GNG2: variants seen among roughly 807,000 people sequenced by gnomAD.
The protein encoded by GNG2 is G protein subunit gamma 2, also known as guanine nucleotide-binding protein G(I)/G(S)/G(O) subunit gamma-2.
In GNG2, 5 loss-of-function variants were observed where a neutral mutation model predicts 5.5. The observed-to-expected ratio is 0.91, with a 90% CI of 0.48 to 1.92. The LOEUF is 1.92. Ranked by LOEUF, GNG2 falls within the 30% of genes most tolerant of loss-of-function variation. GNG2 has a pLI of 0.01. For synonymous variants in GNG2, 28 were observed against 32.0 expected (o/e 0.88, Z 0.42); for missense variants, 55 against 88.4 (o/e 0.62, Z 1.52).
chr14:51,908,553 TCTATCTATCC>T (rs1212532658), intron 2 of GNG2, among the ~76,000 whole-genome samples: 32 of 149,350 alleles, frequency 2.1e-4, no homozygotes, highest in African/African-American at 5.3e-4. Context: ...TATCTATCTA[TCTATCTATCC>T]ATATATATAG....
chr14:51,836,375 T>A (rs367998795), intron 2 of GNG2, among the ~76,000 whole-genome samples: 4 of 152,138 alleles, frequency 2.6e-5, no homozygotes, highest in African/African-American at 7.2e-5. Context: ...GTGGTCTCTG[T>A]TCTATAAAAG....
At chr14:51,883,884 C>A (rs1884265687) in intron 2 of GNG2, among the ~76,000 whole-genome samples, 1 of 151,452 alleles carries the variant, frequency 6.6e-6, no homozygotes, top group Non-Finnish European at 1.5e-5. Context: ...TTTTTTGTGA[C>A]AATTATGATT....
intron 2 of GNG2, among the ~76,000 whole-genome samples, chr14:51,945,133 C>CAAACA (rs539974917): frequency 7.4e-4 from 111 of 150,336 alleles, no homozygotes; most frequent in Middle Eastern, 3.5e-3. Flanking sequence ...AACAAACAAA[C>CAAACA]AAAAAAAACG....
At chr14:51,938,899 C>A (rs1237165770) in intron 2 of GNG2, among the ~76,000 whole-genome samples, 1 of 152,194 alleles carries the variant, frequency 6.6e-6, no homozygotes, top group African/African-American at 2.4e-5. Context: ...AGGATGGAAG[C>A]AGTGTGAGTG....
intron 3 of GNG2, among the ~76,000 whole-genome samples, chr14:51,960,880 T>G (rs1390276790): frequency 6.6e-6 from 1 of 152,182 alleles, no homozygotes; most frequent in Non-Finnish European, 1.5e-5. Flanking sequence ...CTTCCTGATA[T>G]TCTTTGCATA....
chr14:51,920,902 T>C (rs926707373), intron 2 of GNG2, among the ~76,000 whole-genome samples: 9 of 152,052 alleles, frequency 5.9e-5, no homozygotes, highest in African/African-American at 2.2e-4. Context: ...GTTCTTTGGG[T>C]GGGGTGAAGG....
intron 2 of GNG2, among the ~76,000 whole-genome samples, chr14:51,908,429 T>C (rs1029357637): frequency 6.6e-6 from 1 of 152,202 alleles, no homozygotes; most frequent in Non-Finnish European, 1.5e-5. Flanking sequence ...GCCTAGTTTT[T>C]CTAGAAACCA....
intron 2 of GNG2, 96 bp from the exon 3 acceptor site, chr14:51,950,554 C>T (rs1427666848): frequency 4.1e-6 from 3 of 731,548 alleles, no homozygotes; most frequent in South Asian, 3.6e-5. Flanking sequence ...GGCCTGGCTA[C>T]AGCCACTGCT....
chr14:51,850,371 A>G (rs1035622100), intron 2 of GNG2, among the ~76,000 whole-genome samples: 3 of 151,584 alleles, frequency 2.0e-5, no homozygotes, highest in African/African-American at 7.3e-5. Flanking sequence ...AAAAAAATAA[A>G]CCCCTCCCTC....
chr14:51,867,405 C>A (rs1056199526), intron 1 of GNG2, among the ~76,000 whole-genome samples: 2 of 152,172 alleles, frequency 1.3e-5, no homozygotes, highest in African/African-American at 4.8e-5. Flanking sequence ...ACCTTTCCCA[C>A]TCCTCAAAAC....
chr14:51,853,603 G>C (rs140735945), intron 2 of GNG2, among the ~76,000 whole-genome samples: 108 of 152,132 alleles, frequency 7.1e-4, no homozygotes, highest in African/African-American at 2.5e-3. Flanking sequence ...AGATCACACT[G>C]TCTGGTCTAC....
intron 2 of GNG2, among the ~76,000 whole-genome samples, chr14:51,840,432 G>C (rs10498436): frequency 0.22 from 34,203 of 152,088 alleles, 4,558 homozygotes; most frequent in African/African-American, 0.36. Context: ...TTATTGGGCA[G>C]AGTCTTGGTT....
intron 2 of GNG2, chr14:51,827,898 A>G: frequency 1.6e-6 from 1 of 607,512 alleles, no homozygotes; most frequent in Non-Finnish European, 2.9e-6. Context: ...AAGAGTAAAG[A>G]GCTTGGAGAG....
intron 2 of GNG2, chr14:51,940,419 T>G (rs1888249061): frequency 1.3e-5 from 2 of 152,296 alleles, no homozygotes. Context: ...TCCAAGCTAG[T>G]CCATGCCTGT....
chr14:51,958,412 C>T (rs957099999), intron 3 of GNG2, among the ~76,000 whole-genome samples: 1 of 143,486 alleles, frequency 7.0e-6, no homozygotes. Flanking sequence ...TACAGTCATA[C>T]AATCAGTCTG....
At chr14:51,958,391 G>C (rs1026342631) in intron 3 of GNG2, among the ~76,000 whole-genome samples, 1 of 148,560 alleles carries the variant, frequency 6.7e-6, no homozygotes, top group Non-Finnish European at 1.5e-5. Flanking sequence ...TCAGTGGATA[G>C]AGCTAGATAA....
Position 51,949,873 on chromosome 14 carries a change from AG to A in GNG2, c.-29-772del, listed in dbSNP as rs367926472. Among the ~76,000 whole-genome samples, 356 of 152,284 alleles carry A rather than the reference AG, an allele frequency of 2.3e-3. 2 individuals carry two copies. The highest frequency in any genetic ancestry group is 3.4e-3 in the Middle Eastern group (1 of 294). ...GAAATGAATGTGGGATAGGATTTGA[AG>A]GGGGAGGGGAGCACACATGGAGAAA... is the stretch of plus-strand genomic sequence containing the variant. On this transcript the variant is annotated intron_variant, in intron 2 of 3. Transcript: ENST00000556766.
At chr14:51,945,129 C>CGAACA (rs1555357142) in intron 2 of GNG2, among the ~76,000 whole-genome samples, 5 of 114,236 alleles carry the variant, frequency 4.4e-5, no homozygotes, top group African/African-American at 1.4e-4. Flanking sequence ...ACAAAACAAA[C>CGAACA]AAACAAAAAA....
At chr14:51,899,861 A>G (rs1478241880) in intron 2 of GNG2, among the ~76,000 whole-genome samples, 2 of 152,244 alleles carry the variant, frequency 1.3e-5, no homozygotes, top group African/African-American at 4.8e-5. Context: ...TCACAGTGCA[A>G]TAATATTCCA....
Sources: gnomAD v4.1 joint callset for allele counts (sites outside exome capture counted in the v4.1 genomes callset) on GRCh38, gnomAD v4.1.1 for gene constraint, MANE v1.5 for transcripts, NCBI Gene and HGNC (gene_info 2026-07-23, HGNC 2026-07-21) for gene names.